TRIO: variants seen among roughly 807,000 people sequenced by gnomAD.
TRIO encodes trio Rho guanine nucleotide exchange factor, also known as triple functional domain protein.
In TRIO, 58 loss-of-function variants were observed where a neutral mutation model predicts 351.9. The observed-to-expected ratio is 0.16, with a 90% CI of 0.13 to 0.21. TRIO has a LOEUF of 0.21. Ranked by LOEUF, TRIO falls within the 10% of genes least tolerant of loss-of-function variation. The pLI, the probability that TRIO is intolerant of heterozygous loss-of-function variation, is 1.00. For missense variants in TRIO, 3,201 were observed against 4,027.8 expected (o/e 0.79, Z 5.56); for synonymous variants, 1,758 against 1,595.7 (o/e 1.10, Z -2.42).
intron 1 of TRIO, among the ~76,000 whole-genome samples, chr5:14,207,332 A>AGC (rs1561202048): frequency 3.4e-4 from 22 of 65,564 alleles, no homozygotes; most frequent in Non-Finnish European, 3.8e-4. Context: ...ACACACACAC[A>AGC]CACACACACA....
chr5:14,325,593 AC>A (rs1272913816), intron 9 of TRIO, among the ~76,000 whole-genome samples: 2 of 152,182 alleles, frequency 1.3e-5, no homozygotes, highest in Admixed American at 6.5e-5. Context: ...GGTAGGCCCC[AC>A]TTCTGACACT....
intron 41 of TRIO, 194 bp downstream of exon 41, chr5:14,477,157 G>C: frequency 1.8e-6 from 1 of 542,368 alleles, no homozygotes; most frequent in African/African-American, 1.9e-5. Flanking sequence ...CCAGTCACCT[G>C]GCTGAAGCTG....
At chr5:14,171,307 C>T (rs896910442) in intron 1 of TRIO, among the ~76,000 whole-genome samples, 1 of 152,118 alleles carries the variant, frequency 6.6e-6, no homozygotes, top group Admixed American at 6.5e-5. Flanking sequence ...TGAGAAAAAC[C>T]TGTTGACTAA....
At chr5:14,274,860 A>T (rs1391781716) in intron 2 of TRIO, among the ~76,000 whole-genome samples, 1 of 152,148 alleles carries the variant, frequency 6.6e-6, no homozygotes. Flanking sequence ...TTGGCTCCTA[A>T]GTTTTGTTTG....
At chr5:14,316,149 C>T (rs1739362958) in intron 8 of TRIO, among the ~76,000 whole-genome samples, 1 of 152,114 alleles carries the variant, frequency 6.6e-6, no homozygotes, top group Admixed American at 6.5e-5. Context: ...GCAGATATCC[C>T]AGGAATGCAG....
chr5:14,401,370 C>A (rs1183619659), intron 31 of TRIO, among the ~76,000 whole-genome samples: 2 of 152,182 alleles, frequency 1.3e-5, no homozygotes, highest in Non-Finnish European at 2.9e-5. Flanking sequence ...TGCAGGAAGT[C>A]AGGGTACAGG....
intron 11 of TRIO, among the ~76,000 whole-genome samples, chr5:14,344,757 G>C (rs143081876): frequency 2.0e-5 from 3 of 152,102 alleles, no homozygotes; most frequent in African/African-American, 4.8e-5. Flanking sequence ...GTCCTCCTCC[G>C]AGTAATAACC....
At chr5:14,307,570 A>C (rs1738487628) in intron 8 of TRIO, among the ~76,000 whole-genome samples, 1 of 152,228 alleles carries the variant, frequency 6.6e-6, no homozygotes, top group Non-Finnish European at 1.5e-5. Context: ...CAGTGGACAG[A>C]GGATACTGAC....
chr5:14,154,666 G>C (rs1169976637), intron 1 of TRIO, among the ~76,000 whole-genome samples: 1 of 152,112 alleles, frequency 6.6e-6, no homozygotes, highest in African/African-American at 2.4e-5. Flanking sequence ...TAAAACTTCT[G>C]AGCTGTTGTT....
chr5:14,176,139 T>G (rs1316274799), intron 1 of TRIO, among the ~76,000 whole-genome samples: 1 of 152,158 alleles, frequency 6.6e-6, no homozygotes, highest in Non-Finnish European at 1.5e-5. Context: ...AGACCCACCC[T>G]GTCTCTGTTA....
At chr5:14,458,599 A>G (rs1753545240) in intron 34 of TRIO, among the ~76,000 whole-genome samples, 1 of 152,240 alleles carries the variant, frequency 6.6e-6, no homozygotes. Context: ...ATCTCTGTCC[A>G]GTGGGAAATC....
In TRIO at chr5:14,205,125, A is replaced by T. The variant is rs758305979; in HGVS notation, c.157+61243A>T. On this transcript the variant is annotated intron_variant, in intron 1 of 56. Coordinates refer to ENST00000344204, the MANE Select transcript of TRIO (RefSeq NM_007118.4). ...GGAGGGCACAGGATTTTATTGTCTT[A>T]AATCATTAACTATTGCCCGAAAAAT... 1.2e-4 allele frequency among the ~76,000 whole-genome samples: 18 copies of T among 152,212 alleles called. 1 individual carries two copies. Among genetic ancestry groups the T allele is most frequent in the Non-Finnish European group, 5.9e-5 (4 of 68,048 alleles).
chr5:14,498,852 G>A (rs1757080157), intron 53 of TRIO: 1 of 599,450 alleles, frequency 1.7e-6, no homozygotes, highest in South Asian at 3.0e-5. Context: ...TGTAAAGTCG[G>A]GGGAGACACC....
chr5:14,216,355 A>G (rs1486105468), intron 1 of TRIO, among the ~76,000 whole-genome samples: 1 of 152,190 alleles, frequency 6.6e-6, no homozygotes, highest in Non-Finnish European at 1.5e-5. Context: ...TTGTCCAACA[A>G]TTGTTGTTAG....
At chr5:14,355,836 T>G (rs1743567209) in intron 11 of TRIO, among the ~76,000 whole-genome samples, 2 of 152,342 alleles carry the variant, frequency 1.3e-5, no homozygotes, top group Middle Eastern at 3.4e-3. Flanking sequence ...AATTAAATAC[T>G]GATGCCAACT....
In TRIO at chr5:14,207,523, TACACACACACAC is replaced by T. The variant is rs113435385; in HGVS notation, c.158-63279_158-63268del. On this transcript the variant is annotated intron_variant, in intron 1 of 56. Transcript: ENST00000344204. Reference sequence around the variant, plus strand: ...AGGTAGCATAGCAAGACTGTCTCTCTACACACACACACACACACACACACACACACACACGGA... The same window carrying T: ...AGGTAGCATAGCAAGACTGTCTCTCTACACACACACACACACACACACGGA... Among the ~76,000 whole-genome samples, 4 of 53,142 alleles carry T rather than the reference TACACACACACAC, an allele frequency of 7.5e-5. 1 individual carries two copies. Among genetic ancestry groups the T allele is most frequent in the Admixed American group, 4.1e-4 (2 of 4,870 alleles). 34.9% of individuals were successfully genotyped at this position (53,142 alleles called of 152,430 possible).
chr5:14,508,362 T>G lies in TRIO; in HGVS notation c.9234T>G (p.Asp3078Glu). The change falls in exon 57 of 57, where the codon GAT becomes GAG. Residue 3078 changes from aspartate (D) to glutamate (E), a missense_variant. Asp to Glu is a conservative substitution (Grantham distance 45). Coordinates refer to ENST00000344204, the MANE Select transcript of TRIO (RefSeq NM_007118.4). ...TTGAGCGGCGCAAACACCAGAATGA[T>G]GTTCGACCTATCCGTAGCATTAAAA... ...SFIERRKHQNDVRPIRSIKNF... is the reference protein window; with the variant it reads ...SFIERRKHQNEVRPIRSIKNF... The G allele has an allele frequency of 6.2e-7, 1 of 1,613,996 alleles. No homozygotes were observed. The highest frequency in any genetic ancestry group is 8.5e-7 in the Non-Finnish European group (1 of 1,180,034).
chr5:14,259,209 A>G (rs2152257678), intron 1 of TRIO, among the ~76,000 whole-genome samples: 1 of 152,352 alleles, frequency 6.6e-6, no homozygotes, highest in Non-Finnish European at 1.5e-5. Flanking sequence ...TACAGATGCC[A>G]AGAGAGAGGT....
At chr5:14,349,010 TTTC>T (rs376176278) in intron 11 of TRIO, among the ~76,000 whole-genome samples, 9 of 151,952 alleles carry the variant, frequency 5.9e-5, no homozygotes, top group African/African-American at 1.7e-4. Context: ...TGAGCATGTT[TTTC>T]TTGTGTGTTT....
Sources: gnomAD v4.1 joint callset for allele counts (sites outside exome capture counted in the v4.1 genomes callset) on GRCh38, gnomAD v4.1.1 for gene constraint, MANE v1.5 for transcripts, NCBI Gene and HGNC (gene_info 2026-07-23, HGNC 2026-07-21) for gene names.